PLXND1: variants seen among roughly 807,000 people sequenced by gnomAD.
PLXND1 encodes plexin-D1.
In PLXND1, 54 loss-of-function variants were observed where a neutral mutation model predicts 197.7. The observed-to-expected ratio is 0.27, with a 90% confidence interval of 0.22 to 0.34. PLXND1 has a LOEUF of 0.34. Among genes scored for constraint, PLXND1 ranks in the 10% least tolerant of loss-of-function variants. The pLI, the probability that PLXND1 is intolerant of heterozygous loss-of-function variation, is 1.00. For synonymous variants in PLXND1, 1,180 were observed against 1,161.2 expected (o/e 1.02, Z -0.33); for missense variants, 2,127 against 2,699.2 (o/e 0.79, Z 4.70).
chr3:129,604,474 T>C (rs868668926), intron 1 of PLXND1, among the ~76,000 whole-genome samples: 1 of 152,190 alleles, frequency 6.6e-6, no homozygotes, highest in African/African-American at 2.4e-5. Context: ...ATCTGTAAAA[T>C]GTGATGAGAA....
At chr3:129,559,850 G>A in intron 31 of PLXND1, 67 bp from the exon 32 acceptor site, 2 of 1,355,812 alleles carry the variant, frequency 1.5e-6, no homozygotes, top group Non-Finnish European at 2.0e-6. Flanking sequence ...GGCACCCTTG[G>A]TGGCTCTGCG....
At chr3:129,559,972 C>T (rs895943711) in intron 31 of PLXND1, among the ~76,000 whole-genome samples, 189 bp from the exon 32 acceptor site, 55 of 152,230 alleles carry the variant, frequency 3.6e-4, no homozygotes, top group African/African-American at 1.3e-3. Context: ...AATCGAGGCA[C>T]TGGCACATGG....
chr3:129,563,213 G>C lies in PLXND1; in HGVS notation c.4549C>G (p.Leu1517Val). ...ATTTGCTGCTTGATGGCACACAGCA[G>C]CAGGAAGAATGGCTCCCCCACCGTC... Reference protein sequence around the residue: ...RETVGEPFFLLLCAIKQQINK... With the variant: ...RETVGEPFFLVLCAIKQQINK... The change falls in exon 26 of 36, where the codon CTG becomes GTG. Residue 1517 changes from leucine to valine, a missense_variant. By Grantham distance (32) the Leu-to-Val change is conservative. Around this residue, in one of 6 missense-constraint regions of PLXND1, gnomAD observed 532 missense variants for 811.0 expected, o/e 0.66. Transcript: ENST00000324093. 6.2e-7 allele frequency: 1 copy of C among 1,612,334 alleles called. No homozygotes were observed. The highest frequency in any genetic ancestry group is 2.2e-5 in the East Asian group (1 of 44,824).
intron 31 of PLXND1, 82 bp downstream of exon 31, chr3:129,560,248 C>A: frequency 1.1e-6 from 1 of 879,256 alleles, no homozygotes; most frequent in South Asian, 1.5e-5. Flanking sequence ...GGGTGCACAG[C>A]TGGCCCTGAG....
rs533661472 is a variant in PLXND1, at chr3:129,577,670, C to T, written c.2346+659G>A. The stretch of plus-strand genomic sequence containing the variant: ...CTGGCACGCCTCCAGGACTCGTCAA[C>T]GCTTCCCACCCAGGACGCGCCTCCA... On this transcript the variant is annotated intron_variant, in intron 9 of 35. Coordinates refer to ENST00000324093, the MANE Select transcript of PLXND1 (RefSeq NM_015103.3). This position sits in a 1 kb window ranked among gnomAD's most constrained non-coding sequence, Gnocchi z 5.0. Among the ~76,000 whole-genome samples the T allele has an allele frequency of 3.9e-4, 59 of 152,178 alleles. No homozygotes were observed. The highest frequency in any genetic ancestry group is 7.1e-4 in the Non-Finnish European group (48 of 68,000).
chr3:129,559,871 T>C, intron 31 of PLXND1, 88 bp from the exon 32 acceptor site: 1 of 1,153,970 alleles, frequency 8.7e-7, no homozygotes, highest in East Asian at 2.5e-5. Flanking sequence ...GAGCTTGAAA[T>C]GCCAGGCTGC....
chr3:129,594,262 CTTGCCACAGAGCTGAAAT>C lies in PLXND1; in HGVS notation c.1312-4753_1312-4736del, dbSNP rs1483228897. Among the ~76,000 whole-genome samples the C allele has an allele frequency of 3.3e-5, 5 of 152,182 alleles. No homozygotes were observed. In the East Asian group the frequency reaches 5.8e-4, roughly 18 times the overall value. ...TATGATCCTGGGAAAGTCAGGTTTC[CTTGCCACAGAGCTGAAAT>C]TTGCCACAGAGCTGAAAGCACATGA... On this transcript the variant is annotated intron_variant, in intron 1 of 35. Coordinates refer to ENST00000324093, the MANE Select transcript of PLXND1 (RefSeq NM_015103.3).
chr3:129,583,810 C>G, intron 7 of PLXND1, 141 bp from the exon 8 acceptor site: 1 of 637,272 alleles, frequency 1.6e-6, no homozygotes, highest in Non-Finnish European at 2.8e-6. Context: ...AAGATTGGGT[C>G]TTTAAGGTAG....
At chr3:129,564,725 C>G (rs2085112662) in intron 25 of PLXND1, among the ~76,000 whole-genome samples, 4 of 152,266 alleles carry the variant, frequency 2.6e-5, no homozygotes, top group Non-Finnish European at 5.9e-5. Context: ...AGCCTCCGCT[C>G]TCATCCAGAA....
chr3:129,557,003 T>G lies in PLXND1; in HGVS notation c.5586+80A>C. The G allele has an allele frequency of 1.4e-6, 2 of 1,472,534 alleles. No homozygotes were observed. Among genetic ancestry groups the G allele is most frequent in the Non-Finnish European group, 1.9e-6 (2 of 1,069,840 alleles). 91.2% of individuals were successfully genotyped at this position (1,472,534 alleles called of 1,614,324 possible). The stretch of plus-strand genomic sequence containing the variant: ...TCTGCGCTCCCTGCCCTTACTCCAG[T>G]GGAGGCATTGAGGCCCAGCCCCCGA... On this transcript the variant is annotated intron_variant, in intron 34 of 35. Coordinates refer to ENST00000324093, the MANE Select transcript of PLXND1 (RefSeq NM_015103.3). This position sits in a 1 kb window ranked among gnomAD's most constrained non-coding sequence, Gnocchi z 4.8.
chr3:129,589,540 C>T lies in PLXND1; in HGVS notation c.1312-13G>A, dbSNP rs756737050. 3.7e-5 allele frequency: 57 copies of T among 1,555,506 alleles called. No individual in the cohort carries two copies. Among genetic ancestry groups the T allele is most frequent in the African/African-American group, 6.8e-5 (5 of 73,212 alleles). On this transcript the variant is annotated splice_polypyrimidine_tract_variant and intron_variant, in intron 1 of 35. Coordinates refer to ENST00000324093, the MANE Select transcript of PLXND1 (RefSeq NM_015103.3). ...GCTCTGGCTGGAGCTGGAAGAGGAA[C>T]GGCACGTCAGATCCCAGCTCCAGAA... is the stretch of plus-strand genomic sequence containing the variant.
chr3:129,586,147 A>G lies in PLXND1; in HGVS notation c.1721+25T>C, dbSNP rs2085456293. On this transcript the variant is annotated intron_variant, in intron 4 of 35. Transcript: ENST00000324093. ...CCCACCCCCACAGCCCTCCTGGTCCAGCTGTTGCTGGTGTCCAGCCTCACC... is the reference window on the plus strand; with the variant it reads ...CCCACCCCCACAGCCCTCCTGGTCCGGCTGTTGCTGGTGTCCAGCCTCACC... 19 of 1,611,020 alleles carry G rather than the reference A, an allele frequency of 1.2e-5. No homozygotes were observed. The East Asian group carries it at 3.8e-4, about 32-fold the overall frequency.
chr3:129,589,310 T>TGGCCCCCCCC, intron 2 of PLXND1, 41 bp downstream of exon 2: 3 of 501,294 alleles, frequency 6.0e-6, no homozygotes, highest in Non-Finnish European at 7.6e-6. Context: ...CAGGGGAGCC[T>TGGCCCCCCCC]CCCACCCCCA....
chr3:129,601,648 A>T (rs1038520854), intron 1 of PLXND1, among the ~76,000 whole-genome samples: 1 of 152,186 alleles, frequency 6.6e-6, no homozygotes, highest in Non-Finnish European at 1.5e-5. Flanking sequence ...GGTTCTCCCC[A>T]GACCAAACTC....
intron 8 of PLXND1, among the ~76,000 whole-genome samples, chr3:129,582,688 G>GA (rs1560074184): frequency 6.6e-6 from 1 of 152,246 alleles, no homozygotes; most frequent in African/African-American, 2.4e-5. Context: ...GGGCAAAGGT[G>GA]AGAGGCCACC....
intron 27 of PLXND1, 95 bp from the exon 28 acceptor site, chr3:129,561,998 C>G: frequency 1.3e-6 from 1 of 795,092 alleles, no homozygotes; most frequent in Non-Finnish European, 2.2e-6. Context: ...GCCTCTCGCT[C>G]TCTCCATGTA....
chr3:129,572,531 T>A (rs985029187), intron 15 of PLXND1, 78 bp downstream of exon 15: 2 of 1,278,088 alleles, frequency 1.6e-6, no homozygotes, highest in East Asian at 5.4e-5. Context: ...GGCTCAAGGA[T>A]GTCACCTCCA....
At chr3:129,560,457 G>T in intron 30 of PLXND1, 23 bp from the exon 31 acceptor site, 1 of 1,524,382 alleles carries the variant, frequency 6.6e-7, no homozygotes, top group Non-Finnish European at 9.1e-7. Flanking sequence ...GCAGTGGTCA[G>T]TGTCCGCACC....
chr3:129,587,778 A>G (rs1413471424), intron 2 of PLXND1, among the ~76,000 whole-genome samples: 3 of 152,214 alleles, frequency 2.0e-5, no homozygotes, highest in African/African-American at 4.8e-5. Flanking sequence ...GCATTTGCCT[A>G]TGCTGTGCTC....
Sources: gnomAD v4.1 joint callset for allele counts (sites outside exome capture counted in the v4.1 genomes callset) on GRCh38, gnomAD v4.1.1 for gene constraint, gnomAD v4.1.1 regional missense constraint, Gnocchi (gnomAD v3.1) non-coding constraint, MANE v1.5 for transcripts, NCBI Gene and HGNC (gene_info 2026-07-23, HGNC 2026-07-21) for gene names.